Variants in BCAR1 observed in about 807,000 individuals in gnomAD.
BCAR1 encodes breast cancer anti-estrogen resistance protein 1.
BCAR1 carries 30 observed loss-of-function variants against 67.6 expected under a neutral mutation model. The ratio of observed to expected loss-of-function variants is 0.44; its 90% CI spans 0.33 to 0.60. The LOEUF is 0.60. Among genes scored for constraint, BCAR1 ranks in the 20% least tolerant of loss-of-function variants. The probability of loss-of-function intolerance (pLI) is 0.02; values close to 1 mark genes in which losing one functional copy is unlikely to be tolerated. For synonymous variants in BCAR1, 626 were observed against 556.7 expected (o/e 1.12, Z -1.75); for missense variants, 1,313 against 1,222.3 (o/e 1.07, Z -1.11).
chr16:75,249,987 G>A (rs1032213027), intron 1 of BCAR1: 4 of 152,250 alleles, frequency 2.6e-5, no homozygotes, highest in African/African-American at 9.7e-5. Flanking sequence ...TAATGGGAAA[G>A]GGGTTTGAGG....
At chr16:75,245,398 C>A (rs2077483186) in intron 1 of BCAR1, among the ~76,000 whole-genome samples, 1 of 152,116 alleles carries the variant, frequency 6.6e-6, no homozygotes, top group Admixed American at 6.5e-5. Flanking sequence ...CCGCGAAGGC[C>A]CCTCACCTCC....
At chr16:75,254,904 G>C (rs116144483), upstream of BCAR1, among the ~76,000 whole-genome samples, 604 of 152,312 alleles carry the variant, frequency 4.0e-3, 6 homozygotes, top group African/African-American at 0.014. Context: ...CAAGTGGAAA[G>C]ATAAGCCTGG....
chr16:75,236,233 G>A (rs902661907), intron 4 of BCAR1: 15 of 551,266 alleles, frequency 2.7e-5, no homozygotes, highest in South Asian at 1.1e-4. Context: ...GCTCTGGGAC[G>A]AGCCGGCTCT....
Position 75,230,000 on chromosome 16 carries a change from T to C in BCAR1, c.2124A>G (p.Glu708=), listed in dbSNP as rs1008213921. The change falls in exon 7 of 7, where the codon GAA becomes GAG. Residue 708 remains glutamate, a synonymous_variant. Coordinates refer to ENST00000162330, the MANE Select transcript of BCAR1 (RefSeq NM_014567.5). ...LQQLKQFERL[E]QEVSRPIDHD... ...GGTCTATGGGCCGTGACACCTCCTG[T>C]TCCAGTCGTTCAAACTGCTTCAGCT... 6.5e-6 allele frequency: 10 copies of C among 1,546,070 alleles called. No individual in the cohort carries two copies. Among genetic ancestry groups the C allele is most frequent in the Non-Finnish European group, 7.9e-6 (9 of 1,144,460 alleles).
In BCAR1 at chr16:75,242,944, G is replaced by T. The variant is rs1438057770; in HGVS notation, c.159C>A (p.Gly53=). The T allele has an allele frequency of 1.9e-6, 3 of 1,612,920 alleles. No homozygotes were observed. The African/African-American group carries it at 4.0e-5, about 22-fold the overall frequency. The change falls in exon 2 of 7, where the codon GGC becomes GGA. Residue 53 remains glycine, a synonymous_variant. Coordinates refer to ENST00000162330, the MANE Select transcript of BCAR1 (RefSeq NM_014567.5). The part of the protein sequence containing the change: ...WWLCSLHGRQ[G]IVPGNRLKIL... ...TCTTGAGGCGGTTCCCAGGCACGAT[G>T]CCCTGGCGCCCATGCAGCGAGCAGA...
upstream of BCAR1, among the ~76,000 whole-genome samples, chr16:75,253,884 C>T (rs1259913778): frequency 2.0e-5 from 3 of 152,334 alleles, no homozygotes; most frequent in Admixed American, 6.5e-5. Flanking sequence ...ACAGCCTCTG[C>T]GCCCAGCCAG....
chr16:75,257,936 G>A (rs1292993680), intron 1 of BCAR1, among the ~76,000 whole-genome samples: 1 of 152,192 alleles, frequency 6.6e-6, no homozygotes, highest in East Asian at 1.9e-4. Context: ...AACTCGCCGT[G>A]GGCCTTCAGC....
intron 2 of BCAR1, among the ~76,000 whole-genome samples, chr16:75,241,590 G>A (rs1164502015): frequency 1.3e-5 from 2 of 152,238 alleles, no homozygotes; most frequent in African/African-American, 4.8e-5. Flanking sequence ...GTGGGAGCCA[G>A]TGACCCAGGT....
Position 75,266,049 on chromosome 16 carries a change from G to A in BCAR1, c.66+1866C>T, listed in dbSNP as rs996477363. The stretch of plus-strand genomic sequence containing the variant: ...CCCCCCCACCGTCTCCGCGGCCAGG[G>A]ACGCGTTAAAGGTGAGGACCCCGGA... On this transcript the variant is annotated intron_variant, in intron 1 of 6. Coordinates refer to the BCAR1 transcript ENST00000393422. The A allele has an allele frequency of 1.6e-5, 16 of 1,025,074 alleles. No individual in the cohort carries two copies. The East Asian group carries it at 8.5e-4, about 54-fold the overall frequency. The allele number at this position is 1,025,074 out of a possible 1,614,324, so 63.5% of individuals were successfully genotyped here. A position where few individuals can be genotyped will look rare whatever the true frequency, so the allele number is the denominator to read the frequency against.
At chr16:75,247,321 T>A (rs1192956001) in intron 1 of BCAR1, 1 of 152,570 alleles carries the variant, frequency 6.6e-6, no homozygotes, top group African/African-American at 2.4e-5. Flanking sequence ...CCCTAAACAA[T>A]ATCCCAGCTG....
upstream of BCAR1, chr16:75,251,701 C>G (rs1370818442): frequency 7.1e-6 from 7 of 990,412 alleles, no homozygotes; most frequent in African/African-American, 1.0e-4. Flanking sequence ...CGCCCATTGG[C>G]CGCCGCCGCT....
chr16:75,248,023 C>T, intron 1 of BCAR1: 1 of 1,296,596 alleles, frequency 7.7e-7, no homozygotes, highest in Non-Finnish European at 1.1e-6. Flanking sequence ...GCTCATTTAA[C>T]CCTCAAAACA....
chr16:75,266,024 C>G (rs537580108), intron 1 of BCAR1: 15 of 1,026,380 alleles, frequency 1.5e-5, no homozygotes, highest in East Asian at 9.2e-5. Context: ...CCCGCGCCGC[C>G]CCCCCCACCG....
intron 1 of BCAR1, chr16:75,263,908 C>T (rs1238546082): frequency 1.9e-6 from 2 of 1,061,966 alleles, no homozygotes; most frequent in East Asian, 6.5e-5. Context: ...CCTCTTGGCC[C>T]CACCACCTCA....
intron 1 of BCAR1, among the ~76,000 whole-genome samples, chr16:75,262,940 C>T (rs752713403): frequency 1.3e-5 from 2 of 152,240 alleles, no homozygotes; most frequent in Non-Finnish European, 2.9e-5. Flanking sequence ...CAACAGGCTG[C>T]AGCCCCCACA....
chr16:75,260,401 G>A (rs1025757917), intron 1 of BCAR1, among the ~76,000 whole-genome samples: 1 of 151,986 alleles, frequency 6.6e-6, no homozygotes, highest in African/African-American at 2.4e-5. Context: ...CACTTCAGGA[G>A]GCGGAGGCAG....
intron 6 of BCAR1, among the ~76,000 whole-genome samples, chr16:75,230,398 C>T (rs1477872048): frequency 6.6e-6 from 1 of 152,120 alleles, no homozygotes; most frequent in Non-Finnish European, 1.5e-5. Flanking sequence ...CTGGGGACCC[C>T]TCGACCCTAT....
Position 75,242,663 on chromosome 16 carries a change from G to T in BCAR1, c.440C>A (p.Thr147Asn). ...FQSPPAKQTSTFSKQTPHHPF... is the reference protein window; with the variant it reads ...FQSPPAKQTSNFSKQTPHHPF... ...GTGATGGGGTGTCTGCTTCGAGAAG[G>T]TGGATGTCTGCTTGGCTGGGGGAGA... The change falls in exon 2 of 7, where the codon ACC becomes AAC. Residue 147 changes from threonine to asparagine, a missense_variant. Around this residue, in one of 2 missense-constraint regions of BCAR1, gnomAD observed 1,272 missense variants for 1,137.5 expected, o/e 1.12. Coordinates refer to ENST00000162330, the MANE Select transcript of BCAR1 (RefSeq NM_014567.5). The T allele has an allele frequency of 2.0e-6, 3 of 1,529,830 alleles. No homozygotes were observed. Among genetic ancestry groups the T allele is most frequent in the Non-Finnish European group, 2.6e-6 (3 of 1,139,654 alleles). 94.8% of individuals were successfully genotyped at this position (1,529,830 alleles called of 1,614,324 possible).
intron 1 of BCAR1, 130 bp downstream of exon 1, chr16:75,251,341 A>G (rs141700919): frequency 0.029 from 37,151 of 1,280,500 alleles, 836 homozygotes; most frequent in Middle Eastern, 0.1. Context: ...AGGAGATCCC[A>G]GGGCCGCGGA....
Sources: allele counts gnomAD v4.1 joint callset (sites outside exome capture counted in the v4.1 genomes callset), GRCh38; gene constraint gnomAD v4.1.1; regional missense constraint gnomAD v4.1.1; transcripts MANE v1.5; gene names NCBI Gene and HGNC (gene_info 2026-07-23, HGNC 2026-07-21).